The following ANKRD11 variants were observed in gnomAD, a reference collection of about 807,000 sequenced individuals.
The protein encoded by ANKRD11 is ankyrin repeat domain 11.
A neutral mutation model predicts 195.7 loss-of-function variants in ANKRD11; 17 were observed. The observed-to-expected ratio is 0.09, with a 90% CI of 0.06 to 0.13. The LOEUF (loss-of-function observed/expected upper bound fraction) is 0.13, where lower values mean the gene tolerates loss of function less well. Among genes scored for constraint, ANKRD11 ranks in the 10% least tolerant of loss-of-function variants. The pLI, the probability that ANKRD11 is intolerant of heterozygous loss-of-function variation, is 1.00. For synonymous variants in ANKRD11, 1,953 were observed against 1,528.1 expected (o/e 1.28, Z -6.49); for missense variants, 3,735 against 3,566.1 (o/e 1.05, Z -1.21).
intron 1 of ANKRD11, among the ~76,000 whole-genome samples, chr16:89,440,727 A>T (rs971158802): frequency 2.6e-5 from 4 of 152,226 alleles, no homozygotes; most frequent in African/African-American, 9.6e-5. Context: ...AGAGCCCTGG[A>T]GAAGCCAGAG....
chr16:89,271,476 AG>A (rs989815930), intron 11 of ANKRD11: 1 of 181,156 alleles, frequency 5.5e-6, no homozygotes, highest in Admixed American at 5.3e-5. Context: ...TGTGTCCTGA[AG>A]GGTGGACACG....
At chr16:89,275,383 C>T (rs528567921) in intron 9 of ANKRD11, among the ~76,000 whole-genome samples, 192 bp from the exon 10 acceptor site, 3 of 152,360 alleles carry the variant, frequency 2.0e-5, no homozygotes, top group East Asian at 1.9e-4. Flanking sequence ...CGCGGGAGAG[C>T]GGACACCTCC....
chr16:89,313,687 A>G, intron 3 of ANKRD11: 4 of 1,072,798 alleles, frequency 3.7e-6, no homozygotes, highest in South Asian at 1.3e-5. Context: ...CTGTACCAGG[A>G]GAAGGCAGGT....
chr16:89,402,737 T>A lies in ANKRD11; in HGVS notation c.-60+15547A>T, dbSNP rs528300614. Among the ~76,000 whole-genome samples the A allele has an allele frequency of 4.1e-4, 45 of 110,812 alleles. No homozygotes were observed. The East Asian group carries it at 0.011, about 28-fold the overall frequency. The allele number at this position is 110,812 out of a possible 152,430, so 72.7% of individuals were successfully genotyped here. ...GAGAGGGGGCAGGGGCTCTGTGGGG[T>A]GAGATAGGGGGTATCTGCAGGGTGA... On this transcript the variant is annotated intron_variant, in intron 2 of 12. Transcript: ENST00000301030.
At chr16:89,487,994 G>A (rs2057678465) in intron 1 of ANKRD11, among the ~76,000 whole-genome samples, 1 of 152,116 alleles carries the variant, frequency 6.6e-6, no homozygotes, top group Admixed American at 6.5e-5. Context: ...GGCCAGTCCG[G>A]AGAAAAGCAT....
chr16:89,268,765 G>A (rs971683946), intron 12 of ANKRD11, 102 bp from the exon 13 acceptor site: 13 of 1,372,462 alleles, frequency 9.5e-6, no homozygotes, highest in Middle Eastern at 4.3e-4. Flanking sequence ...TGATACGGCC[G>A]TGAACCTACC....
intron 1 of ANKRD11, among the ~76,000 whole-genome samples, chr16:89,464,879 A>G (rs1226350962): frequency 6.6e-6 from 1 of 152,188 alleles, no homozygotes; most frequent in Non-Finnish European, 1.5e-5. Flanking sequence ...AAACCAATAA[A>G]GCTACACAGT....
At chr16:89,449,470 C>T (rs2043963293) in intron 1 of ANKRD11, among the ~76,000 whole-genome samples, 1 of 151,966 alleles carries the variant, frequency 6.6e-6, no homozygotes, top group South Asian at 2.1e-4. Context: ...TATACCCACA[C>T]ACCCCTTCCA....
intron 2 of ANKRD11, among the ~76,000 whole-genome samples, chr16:89,380,382 G>C (rs2040592617): frequency 6.6e-6 from 1 of 152,160 alleles, no homozygotes; most frequent in Non-Finnish European, 1.5e-5. Context: ...AAAGTGCTGG[G>C]ATTACAGGTG....
At chr16:89,317,211 C>T (rs751711477) in intron 2 of ANKRD11, 133 bp from the exon 3 acceptor site, 9 of 715,712 alleles carry the variant, frequency 1.3e-5, no homozygotes, top group Non-Finnish European at 2.2e-5. Context: ...GGGCCCGGGC[C>T]AGGCCCAGGA....
At chr16:89,428,224 T>A (rs1388257771) in intron 1 of ANKRD11, among the ~76,000 whole-genome samples, 15 of 151,000 alleles carry the variant, frequency 9.9e-5, no homozygotes, top group Admixed American at 9.9e-4. Context: ...ATAGATTAAT[T>A]AATTAAAATA....
intron 9 of ANKRD11, chr16:89,278,121 G>A (rs116934863): frequency 5.0e-5 from 12 of 241,218 alleles, no homozygotes; most frequent in South Asian, 2.4e-4. Flanking sequence ...GAGTGGAGTC[G>A]CGTGGTCTGG....
chr16:89,454,116 C>T (rs73263096), intron 1 of ANKRD11, among the ~76,000 whole-genome samples: 1 of 152,276 alleles, frequency 6.6e-6, no homozygotes, highest in African/African-American at 2.4e-5. Flanking sequence ...TGCTTCACAA[C>T]ACCCCCTGGC....
chr16:89,479,670 C>T lies in ANKRD11; in HGVS notation c.-145+10575G>A, dbSNP rs139350686. On this transcript the variant is annotated intron_variant, in intron 1 of 12. Coordinates refer to ENST00000301030, the MANE Select transcript of ANKRD11 (RefSeq NM_013275.6). Reference sequence around the variant, plus strand: ...TAAATTAAATTTTAAAAAGGCCAGACGCAGTGGCTCACACCTGTAATCCCA... The same window carrying T: ...TAAATTAAATTTTAAAAAGGCCAGATGCAGTGGCTCACACCTGTAATCCCA... 2.4e-3 allele frequency among the ~76,000 whole-genome samples: 364 copies of T among 149,568 alleles called. 2 individuals are homozygous for T. Among genetic ancestry groups the T allele is most frequent in the African/African-American group, 8.4e-3 (340 of 40,678 alleles).
chr16:89,469,878 G>A (rs902383205), intron 1 of ANKRD11, among the ~76,000 whole-genome samples: 10 of 146,838 alleles, frequency 6.8e-5, no homozygotes, highest in South Asian at 2.3e-4. Context: ...GTGAGGCTCC[G>A]TTTCAGAAAA....
chr16:89,462,951 G>C (rs1268695913), intron 1 of ANKRD11, among the ~76,000 whole-genome samples: 1 of 151,210 alleles, frequency 6.6e-6, no homozygotes, highest in Non-Finnish European at 1.5e-5. Flanking sequence ...GTGGAGGTGG[G>C]GGGGGTCAGC....
chr16:89,324,180 G>T (rs1331507216), intron 2 of ANKRD11: 11 of 1,157,968 alleles, frequency 9.5e-6, no homozygotes, highest in African/African-American at 6.5e-5. Context: ...ATCACGGCGG[G>T]GGGTGGCAGC....
rs776477817 is a variant in ANKRD11, at chr16:89,281,217, G to A, written c.5325C>T (p.Ala1775=). Residue 1775 remains alanine (A), a synonymous_variant, in exon 9 of 13, where the codon GCC becomes GCT. Transcript: ENST00000301030. The surrounding 1 kb of genome is among the most constrained non-coding windows in gnomAD (Gnocchi z 5.5). ...AGAGAGGCCTGGCAGGAGCCTGGCT[G>A]GCGTTTTCCGAAAGCCCACTTGAAG... The part of the protein sequence containing the change: ...SVASSGLSEN[A]SQAPARPLST... 87 of 1,614,122 alleles carry A rather than the reference G, an allele frequency of 5.4e-5. No individual in the cohort carries two copies. The highest frequency in any genetic ancestry group is 6.7e-5 in the Non-Finnish European group (79 of 1,180,050).
chr16:89,391,251 A>T (rs2041184512), intron 2 of ANKRD11, among the ~76,000 whole-genome samples: 1 of 147,404 alleles, frequency 6.8e-6, no homozygotes, highest in Admixed American at 6.8e-5. Context: ...AAAAAAAATG[A>T]TTGAACCCAA....
Sources: gnomAD v4.1 joint callset for allele counts (sites outside exome capture counted in the v4.1 genomes callset) on GRCh38, gnomAD v4.1.1 for gene constraint, Gnocchi (gnomAD v3.1) non-coding constraint, MANE v1.5 for transcripts, NCBI Gene and HGNC (gene_info 2026-07-23, HGNC 2026-07-21) for gene names.